Variants in SPTA1 observed in about 807,000 individuals in gnomAD.
SPTA1 encodes spectrin alpha, erythrocytic 1.
Under a neutral mutation model 324.7 loss-of-function variants are expected in SPTA1, and 177 were observed. The observed-to-expected ratio is 0.55, with a 90% CI of 0.48 to 0.62. The LOEUF (loss-of-function observed/expected upper bound fraction) is 0.62. Ranked by LOEUF, SPTA1 falls within the 20% of genes least tolerant of loss-of-function variation. The pLI, the probability that SPTA1 is intolerant of heterozygous loss-of-function variation, is 0.00. For missense variants in SPTA1, 3,162 were observed against 2,883.6 expected (o/e 1.10, Z -2.21); for synonymous variants, 1,195 against 1,041.3 (o/e 1.15, Z -2.84).
intron 4 of SPTA1, 49 bp downstream of exon 4, chr1:158,681,478 G>C: frequency 6.2e-7 from 1 of 1,612,872 alleles, no homozygotes; most frequent in African/African-American, 1.3e-5. Flanking sequence ...GGGGTACCTG[G>C]GACAGAGGAG....
chr1:158,670,530 A>T (rs1653944861), intron 12 of SPTA1, among the ~76,000 whole-genome samples: 1 of 152,154 alleles, frequency 6.6e-6, no homozygotes, highest in Non-Finnish European at 1.5e-5. Context: ...TTTGCCTGTT[A>T]TTTTTGTTGT....
rs749557472 is a variant in SPTA1 at position 158,647,679 on chromosome 1, G to A, written c.3756C>T (p.Ser1252=). ...LGETAERLSE[S]HPDATEDLQR... is the part of the protein sequence containing the mutation. The stretch of plus-strand genomic sequence containing the variant: ...GCAGGTCCTCAGTGGCATCTGGATG[G>A]GACTCACTGAGCCGCTCTGCTGTCT... The change falls in exon 27 of 52, where the codon TCC becomes TCT. Residue 1252 remains serine (S), a synonymous_variant. Transcript: ENST00000643759. 2.5e-6 allele frequency: 4 copies of A among 1,613,728 alleles called. No homozygotes were observed. The highest frequency in any genetic ancestry group is 2.2e-5 in the East Asian group (1 of 44,880).
chr1:158,627,721 G>A lies in SPTA1; in HGVS notation c.5568C>T (p.Ser1856=). The A allele has an allele frequency of 1.9e-6, 3 of 1,611,536 alleles. No individual in the cohort carries two copies. Among genetic ancestry groups the A allele is most frequent in the Non-Finnish European group, 2.5e-6 (3 of 1,179,472 alleles). ...DCGDTLAATQ[S]LLMKHEALEN... ...CCAAAGCTTCATGCTTCATTAGCAA[G>A]CTCTGCATAAATAAGTCGGTGAGAA... is the stretch of plus-strand genomic sequence containing the variant. The change falls in exon 40 of 52, where the codon AGC becomes AGT. Residue 1856 remains serine, a splice_region_variant and synonymous_variant. Coordinates refer to ENST00000643759, the MANE Select transcript of SPTA1 (RefSeq NM_003126.4).
chr1:158,676,269 C>G lies in SPTA1; in HGVS notation c.984G>C (p.Glu328Asp). Residue 328 changes from glutamate (E) to aspartate (D), a missense_variant, in exon 8 of 52, where the codon GAG becomes GAC. Glu to Asp is a conservative substitution (Grantham distance 45, BLOSUM62 2). Coordinates refer to ENST00000643759, the MANE Select transcript of SPTA1 (RefSeq NM_003126.4). ...CTGAAGGATGGGAAAGTGTCAGCTT[C>G]TCTGCTTTAGCACATAACTCCTTCA... The part of the protein sequence containing the change: ...DKVKELCAKA[E>D]KLTLSHPSDA... 2 of 1,613,646 alleles carry G rather than the reference C, an allele frequency of 1.2e-6. No individual in the cohort carries two copies. The highest frequency in any genetic ancestry group is 1.7e-6 in the Non-Finnish European group (2 of 1,179,722).
intron 5 of SPTA1, among the ~76,000 whole-genome samples, chr1:158,679,239 A>G (rs191897301): frequency 4.6e-5 from 7 of 152,106 alleles, no homozygotes; most frequent in Admixed American, 4.6e-4. Flanking sequence ...TCTCAAGTAC[A>G]TGGTTCTTTC....
At chr1:158,613,968 GA>G in intron 49 of SPTA1, 101 bp from the exon 50 acceptor site, 1 of 1,342,686 alleles carries the variant, frequency 7.4e-7, no homozygotes, top group South Asian at 1.3e-5. Context: ...AAGCTTTATT[GA>G]CCTGTCACAA....
intron 42 of SPTA1, among the ~76,000 whole-genome samples, chr1:158,625,826 G>T (rs907259603): frequency 2.0e-5 from 3 of 151,152 alleles, no homozygotes; most frequent in Admixed American, 6.6e-5. Flanking sequence ...GAAATTAAAA[G>T]AAAACATTAA....
At chr1:158,612,785 C>G (rs767765727) in intron 51 of SPTA1, 32 bp downstream of exon 51, 5 of 1,612,736 alleles carry the variant, frequency 3.1e-6, no homozygotes, top group Non-Finnish European at 4.2e-6. Context: ...ATTAGGATGA[C>G]AGTGTAGTAG....
intron 44 of SPTA1, 79 bp downstream of exon 44, chr1:158,620,091 T>C: frequency 1.9e-6 from 3 of 1,549,468 alleles, no homozygotes; most frequent in Non-Finnish European, 2.7e-6. Flanking sequence ...TCCTTCTATG[T>C]CAAAAGTCTA....
chr1:158,650,189 A>C (rs1000162544), intron 24 of SPTA1, among the ~76,000 whole-genome samples: 1 of 152,212 alleles, frequency 6.6e-6, no homozygotes, highest in Non-Finnish European at 1.5e-5. Context: ...CGGAGCAGTA[A>C]ATAAGTGCTT....
At chr1:158,613,665 C>T in intron 50 of SPTA1, 56 bp downstream of exon 50, 1 of 1,609,870 alleles carries the variant, frequency 6.2e-7, no homozygotes, top group East Asian at 2.2e-5. Context: ...ACTCTCTGTG[C>T]TTCTCCCTCC....
intron 19 of SPTA1, 26 bp from the exon 20 acceptor site, chr1:158,656,682 A>G (rs768729107): frequency 1.3e-6 from 2 of 1,581,334 alleles, no homozygotes; most frequent in Non-Finnish European, 1.7e-6. Flanking sequence ...GAAGATCATC[A>G]GAATGAATAT....
chr1:158,670,128 A>C lies in SPTA1; in HGVS notation c.1600-342T>G, dbSNP rs192096714. Reference sequence around the variant, plus strand: ...CCATGGCCAGTCTGTCCATCCATCTATCTATCCGTGTATTCATCTCTCAAA... The same window carrying C: ...CCATGGCCAGTCTGTCCATCCATCTCTCTATCCGTGTATTCATCTCTCAAA... On this transcript the variant is annotated intron_variant, in intron 12 of 51. Transcript: ENST00000643759. Among the ~76,000 whole-genome samples the C allele has an allele frequency of 1.9e-3, 293 of 152,278 alleles. 2 individuals carry two copies. The highest frequency in any genetic ancestry group is 6.8e-3 in the African/African-American group (284 of 41,554).
At chr1:158,681,857 G>T (rs779325265) in intron 3 of SPTA1, among the ~76,000 whole-genome samples, 190 bp from the exon 4 acceptor site, 2 of 152,146 alleles carry the variant, frequency 1.3e-5, no homozygotes, top group Non-Finnish European at 2.9e-5. Flanking sequence ...AGCCAAATGC[G>T]ATCTTACATA....
chr1:158,683,539 C>A (rs375707660), intron 2 of SPTA1, 43 bp from the exon 3 acceptor site: 1 of 1,610,630 alleles, frequency 6.2e-7, no homozygotes, highest in African/African-American at 1.3e-5. Context: ...GAAGCACAGT[C>A]TTCATGGGAA....
rs771289940 is a variant in SPTA1 at position 158,634,535 on chromosome 1, T to C, written c.5565+8A>G. ...GAAGAAAATTGATTCATTCTTCCTGTTCCTCACCTGAGTAGCAGCTAATGT... is the reference window on the plus strand; with the variant it reads ...GAAGAAAATTGATTCATTCTTCCTGCTCCTCACCTGAGTAGCAGCTAATGT... On this transcript the variant is annotated splice_region_variant and intron_variant, in intron 39 of 51. Coordinates refer to ENST00000643759, the MANE Select transcript of SPTA1 (RefSeq NM_003126.4). The C allele has an allele frequency of 6.2e-7, 1 of 1,613,868 alleles. No homozygotes were observed. Among genetic ancestry groups the C allele is most frequent in the Non-Finnish European group, 8.5e-7 (1 of 1,180,012 alleles).
Position 158,667,907 on chromosome 1 carries a change from A to T in SPTA1, c.1989T>A (p.Ser663Arg), listed in dbSNP as rs374853565. The T allele has an allele frequency of 2.8e-5, 45 of 1,613,770 alleles. No individual in the cohort carries two copies. Among genetic ancestry groups the T allele is most frequent in the Non-Finnish European group, 3.8e-5 (45 of 1,179,958 alleles). ...YASDNVTTRL[S>R]EVASLWEELL... Reference sequence around the variant, plus strand: ...ACTCCTCCCAGAGGCTGGCAACTTCACTCAGACGAGTGGTCACATTGTCAG... The same window carrying T: ...ACTCCTCCCAGAGGCTGGCAACTTCTCTCAGACGAGTGGTCACATTGTCAG... Residue 663 changes from serine (S) to arginine (R), a missense_variant, in exon 15 of 52, where the codon AGT becomes AGA. By Grantham distance (110) the Ser-to-Arg change is moderately radical. Coordinates refer to ENST00000643759, the MANE Select transcript of SPTA1 (RefSeq NM_003126.4).
At chr1:158,648,754 TCCCA>T in intron 25 of SPTA1, 101 bp from the exon 26 acceptor site, 1 of 1,260,910 alleles carries the variant, frequency 7.9e-7, no homozygotes, top group Non-Finnish European at 1.1e-6. Flanking sequence ...CTCACCATCC[TCCCA>T]CCCACCCCCC....
At position 158,666,502 on chromosome 1, in the gene SPTA1, G is replaced by A. The variant is rs780541031; in HGVS notation, c.2039-5C>T. Reference sequence around the variant, plus strand: ...TGGCCTCATGCAACTGGGTCCCTGGGAGAAGACATAAGGTAGAAGACATTA... The same window carrying A: ...TGGCCTCATGCAACTGGGTCCCTGGAAGAAGACATAAGGTAGAAGACATTA... On this transcript the variant is annotated splice_polypyrimidine_tract_variant and splice_region_variant and intron_variant, in intron 15 of 51. Coordinates refer to ENST00000643759, the MANE Select transcript of SPTA1 (RefSeq NM_003126.4). The A allele has an allele frequency of 5.6e-6, 9 of 1,606,404 alleles. No homozygotes were observed. The South Asian group carries it at 9.9e-5, about 18-fold the overall frequency.
Sources: allele counts gnomAD v4.1 joint callset (sites outside exome capture counted in the v4.1 genomes callset), GRCh38; gene constraint gnomAD v4.1.1; transcripts MANE v1.5; gene names NCBI Gene and HGNC (gene_info 2026-07-23, HGNC 2026-07-21).